The following PMEL variants were observed in gnomAD, a reference collection of about 807,000 sequenced individuals.
The protein encoded by PMEL is melanocyte protein PMEL.
In PMEL, 53 loss-of-function variants were observed where a neutral mutation model predicts 64.9. That is an observed-to-expected ratio of 0.82 (90% CI 0.66 to 1.03). The LOEUF (loss-of-function observed/expected upper bound fraction) is 1.03. Among genes scored for constraint, PMEL ranks in the 50% least tolerant of loss-of-function variants. The pLI, the probability that PMEL is intolerant of heterozygous loss-of-function variation, is 0.00. For missense variants in PMEL, 716 were observed against 814.9 expected (o/e 0.88, Z 1.48); for synonymous variants, 299 against 316.2 (o/e 0.95, Z 0.58).
intron 3 of PMEL, chr12:55,961,061 C>A (rs1889083283): frequency 2.8e-6 from 1 of 355,396 alleles, no homozygotes; most frequent in Non-Finnish European, 5.3e-6. Flanking sequence ...AAAAATTAGC[C>A]GGTCATGGTG....
At chr12:55,963,989 C>G (rs1889195828) in intron 1 of PMEL, among the ~76,000 whole-genome samples, 1 of 151,894 alleles carries the variant, frequency 6.6e-6, no homozygotes, top group Non-Finnish European at 1.5e-5. Flanking sequence ...CTTTCCCTTT[C>G]CCCTTTCCTT....
intron 1 of PMEL, among the ~76,000 whole-genome samples, chr12:55,964,604 C>A (rs1313567185): frequency 6.6e-6 from 1 of 152,028 alleles, no homozygotes; most frequent in African/African-American, 2.4e-5. Flanking sequence ...CTACACCCGG[C>A]CTCCTTATCT....
At chr12:55,964,720 G>A (rs1391874720) in intron 1 of PMEL, among the ~76,000 whole-genome samples, 1 of 151,898 alleles carries the variant, frequency 6.6e-6, no homozygotes, top group African/African-American at 2.4e-5. Flanking sequence ...CTGCCTCCCA[G>A]GTTCAAGCGA....
rs1462328472 is a variant in PMEL at position 55,955,819 on chromosome 12, C to A, written c.1516G>T (p.Glu506Ter). The part of the protein sequence containing the change: ...AEILQAVPSG[E>*]GDAFELTVSC... ...ACAGTCAGCTCAAATGCATCCCCCT[C>A]ACCGGACGGCACAGCCTGCAGGATC... The change falls in exon 8 of 11, where the codon GAG becomes TAG. Residue 506 changes from glutamate to a stop codon, truncating the protein, a stop_gained. Coordinates refer to ENST00000548747, the MANE Select transcript of PMEL (RefSeq NM_001384361.1). LOFTEE classifies it high-confidence loss of function. 2 of 1,614,182 alleles carry A rather than the reference C, an allele frequency of 1.2e-6. No individual in the cohort carries two copies. The highest frequency in any genetic ancestry group is 1.7e-6 in the Non-Finnish European group (2 of 1,180,024).
Position 55,958,276 on chromosome 12 carries a change from TGAG to T in PMEL, c.469+194_470-193del. ...GCATTCCATGGGGTAGGACTACAATTGAGGAAGAGTTGCCAGAAAGAATTATGA... is the reference window on the plus strand; with the variant it reads ...GCATTCCATGGGGTAGGACTACAATTGAAGAGTTGCCAGAAAGAATTATGA... On this transcript the variant is annotated intron_variant, in intron 4 of 10. Coordinates refer to ENST00000548747, the MANE Select transcript of PMEL (RefSeq NM_001384361.1). The T allele has an allele frequency of 3.9e-6, 3 of 766,866 alleles. No individual in the cohort carries two copies. In the South Asian group the frequency reaches 5.6e-5, roughly 14 times the overall value. The allele number at this position is 766,866 out of a possible 1,614,324, so 47.5% of individuals were successfully genotyped here. A position where few individuals can be genotyped will look rare whatever the true frequency, so the allele number is the denominator to read the frequency against.
In PMEL at chr12:55,955,804, C is replaced by G; in HGVS notation, c.1531G>C (p.Glu511Gln). ...CCGCCTTGGCAGGACACAGTCAGCTCAAATGCATCCCCCTCACCGGACGGC... is the reference window on the plus strand; with the variant it reads ...CCGCCTTGGCAGGACACAGTCAGCTGAAATGCATCCCCCTCACCGGACGGC... ...AVPSGEGDAF[E>Q]LTVSCQGGLP... The change falls in exon 8 of 11, where the codon GAG (glutamate) becomes CAG (glutamine). Residue 511 changes from glutamate to glutamine, a missense_variant. By Grantham distance (29) the Glu-to-Gln change is conservative. Transcript: ENST00000548747. 1 of 1,614,112 alleles carries G rather than the reference C, an allele frequency of 6.2e-7. No homozygotes were observed. The highest frequency in any genetic ancestry group is 1.1e-5 in the South Asian group (1 of 91,086).
chr12:55,958,225 G>A lies in PMEL; in HGVS notation c.470-141C>T, dbSNP rs78248261. On this transcript the variant is annotated intron_variant, in intron 4 of 10. Coordinates refer to ENST00000548747, the MANE Select transcript of PMEL (RefSeq NM_001384361.1). Reference sequence around the variant, plus strand: ...GGGTGTTTGGAAGGCTGTGATATGGGGGGACAGGGAAGGGGTCCTAATGAG... The same window carrying A: ...GGGTGTTTGGAAGGCTGTGATATGGAGGGACAGGGAAGGGGTCCTAATGAG... The A allele has an allele frequency of 1.8e-3, 1,624 of 925,616 alleles. 8 individuals carry two copies. The highest frequency in any genetic ancestry group is 9.4e-3 in the Middle Eastern group (35 of 3,706). 57.3% of individuals were successfully genotyped at this position (925,616 alleles called of 1,614,324 possible).
At position 55,955,561 on chromosome 12, in the gene PMEL, G is replaced by T; in HGVS notation, c.1665C>A (p.His555Gln). Reference protein sequence around the residue: ...LPSPACQLVLHQILKGGSGTY... With the variant: ...LPSPACQLVLQQILKGGSGTY... ...TCCCCGAGCCACCCTTCAGTATCTGGTGCAGAACCAGCTGGCAGGCTGGGC... is the reference window on the plus strand; with the variant it reads ...TCCCCGAGCCACCCTTCAGTATCTGTTGCAGAACCAGCTGGCAGGCTGGGC... Residue 555 changes from histidine (H) to glutamine (Q), a missense_variant, in exon 9 of 11, where the codon CAC becomes CAA. Coordinates refer to ENST00000548747, the MANE Select transcript of PMEL (RefSeq NM_001384361.1). The T allele has an allele frequency of 1.2e-6, 2 of 1,614,096 alleles. No homozygotes were observed. Among genetic ancestry groups the T allele is most frequent in the Non-Finnish European group, 1.7e-6 (2 of 1,180,018 alleles).
chr12:55,961,548 T>C, intron 2 of PMEL, 74 bp downstream of exon 2: 3 of 1,594,380 alleles, frequency 1.9e-6, no homozygotes, highest in Non-Finnish European at 2.6e-6. Context: ...CAAGCTACAC[T>C]CGATGCAGTT....
At chr12:55,966,125 G>A, upstream of PMEL, 5 of 1,533,234 alleles carry the variant, frequency 3.3e-6, no homozygotes, top group South Asian at 2.4e-5. Context: ...GAAGGCCTGG[G>A]AGGGGCCGGA....
In PMEL at chr12:55,955,649, A is replaced by T. The variant is rs779563246; in HGVS notation, c.1577T>A (p.Met526Lys). The T allele has an allele frequency of 6.2e-6, 10 of 1,613,100 alleles. No homozygotes were observed. Among genetic ancestry groups the T allele is most frequent in the Non-Finnish European group, 8.5e-6 (10 of 1,179,348 alleles). Reference sequence around the variant, plus strand: ...CTGGCACCCTGGCGATGAGATCTCCATGCAGGCTTCCTTGGGCAGCCTGGA... The same window carrying T: ...CTGGCACCCTGGCGATGAGATCTCCTTGCAGGCTTCCTTGGGCAGCCTGGA... Reference protein sequence around the residue: ...CQGGLPKEACMEISSPGCQPP... With the variant: ...CQGGLPKEACKEISSPGCQPP... Residue 526 changes from methionine (M) to lysine (K), a missense_variant, in exon 9 of 11, where the codon ATG (methionine) becomes AAG (lysine). Transcript: ENST00000548747.
intron 1 of PMEL, among the ~76,000 whole-genome samples, chr12:55,965,168 C>A (rs1383085707): frequency 3.3e-5 from 5 of 152,100 alleles, no homozygotes; most frequent in Non-Finnish European, 7.4e-5. Context: ...ACCTCGTGAT[C>A]CACCTGCTTC....
chr12:55,961,604 G>T lies in PMEL; in HGVS notation c.187+18C>A, dbSNP rs1889104552. 6.2e-7 allele frequency: 1 copy of T among 1,605,606 alleles called. No homozygotes were observed. The highest frequency in any genetic ancestry group is 8.5e-7 in the Non-Finnish European group (1 of 1,172,820). On this transcript the variant is annotated intron_variant, in intron 2 of 10. Coordinates refer to ENST00000548747, the MANE Select transcript of PMEL (RefSeq NM_001384361.1). ...CCCACTCCCACCATGCCCTCCCCTG[G>T]AACTTCCAAGTTCCTACCTCTCCAG... is the stretch of plus-strand genomic sequence containing the variant.
At chr12:55,960,210 C>CAAAAAAAAAAA (rs56810428) in intron 3 of PMEL, among the ~76,000 whole-genome samples, 23 of 56,220 alleles carry the variant, frequency 4.1e-4, no homozygotes, top group African/African-American at 1.6e-3. Flanking sequence ...GACTCTGTCT[C>CAAAAAAAAAAA]AAAAAAAAAA....
At chr12:55,966,076 G>T, upstream of PMEL, 1 of 1,613,142 alleles carries the variant, frequency 6.2e-7, no homozygotes, top group Non-Finnish European at 8.5e-7. Flanking sequence ...TATAAGAAAA[G>T]GGTGCTCATT....
intron 1 of PMEL, among the ~76,000 whole-genome samples, chr12:55,964,650 CAG>C (rs1889219938): frequency 6.6e-6 from 1 of 151,748 alleles, no homozygotes; most frequent in Non-Finnish European, 1.5e-5. Context: ...TTTTTTGAGA[CAG>C]AGTCTTGCTG....
chr12:55,954,128 G>A lies in PMEL; in HGVS notation c.*86C>T. 7.7e-7 allele frequency: 1 copy of A among 1,299,694 alleles called. No individual in the cohort carries two copies. Among genetic ancestry groups the A allele is most frequent in the Non-Finnish European group, 1.1e-6 (1 of 938,438 alleles). 80.5% of individuals were successfully genotyped at this position (1,299,694 alleles called of 1,614,324 possible). On this transcript the variant is annotated 3_prime_UTR_variant, in exon 11 of 11. Transcript: ENST00000548747. Reference sequence around the variant, plus strand: ...CATCAGGCTCTGAGTATTTATTTCAGTTAATAGTAGTCTCCCAGGGAAGAC... The same window carrying A: ...CATCAGGCTCTGAGTATTTATTTCAATTAATAGTAGTCTCCCAGGGAAGAC...
chr12:55,965,809 C>T, intron 1 of PMEL, 127 bp downstream of exon 1: 1 of 1,178,334 alleles, frequency 8.5e-7, no homozygotes, highest in South Asian at 1.3e-5. Flanking sequence ...CCCACATCCT[C>T]ACTAAATCAA....
chr12:55,955,983 T>C, intron 7 of PMEL, 120 bp from the exon 8 acceptor site: 1 of 1,124,992 alleles, frequency 8.9e-7, no homozygotes, highest in Non-Finnish European at 1.4e-6. Flanking sequence ...AAATGAGGAC[T>C]CTGGCATTTG....
Sources: allele counts gnomAD v4.1 joint callset (sites outside exome capture counted in the v4.1 genomes callset), GRCh38; gene constraint gnomAD v4.1.1; transcripts MANE v1.5; gene names NCBI Gene and HGNC (gene_info 2026-07-23, HGNC 2026-07-21).